SHFL: variants seen among roughly 807,000 people sequenced by gnomAD.
The protein encoded by SHFL is shiftless antiviral inhibitor of ribosomal frameshifting protein.
In SHFL, 12 loss-of-function variants were observed where a neutral mutation model predicts 34.7. That is an observed-to-expected ratio of 0.35 (90% CI 0.22 to 0.56). The LOEUF (loss-of-function observed/expected upper bound fraction) is 0.56. Ranked by LOEUF, SHFL falls within the 20% of genes least tolerant of loss-of-function variation. The pLI, the probability that SHFL is intolerant of heterozygous loss-of-function variation, is 0.88. For missense variants in SHFL, 278 were observed against 411.1 expected (o/e 0.68, Z 2.80); for synonymous variants, 148 against 156.0 (o/e 0.95, Z 0.38).
In SHFL at chr19:10,092,859, A is replaced by AG; in HGVS notation, c.*559dup. 1.6e-6 allele frequency: 2 copies of AG among 1,235,394 alleles called. No individual in the cohort carries two copies. The highest frequency in any genetic ancestry group is 2.2e-6 in the Non-Finnish European group (2 of 912,306). 76.5% of individuals were successfully genotyped at this position (1,235,394 alleles called of 1,614,324 possible). On this transcript the variant is annotated 3_prime_UTR_variant, in exon 8 of 8. Transcript: ENST00000253110. Reference sequence around the variant, plus strand: ...CACCTCACAGTGCAAGGCTTTTGCCAGGCATCCCCTGGCCCCTCCCATTCT... The same window carrying AG: ...CACCTCACAGTGCAAGGCTTTTGCCAGGGCATCCCCTGGCCCCTCCCATTCT...
Position 10,092,423 on chromosome 19 carries a change from C to CGG in SHFL, c.*127_*128dup. On this transcript the variant is annotated 3_prime_UTR_variant, in exon 8 of 8. Coordinates refer to ENST00000253110, the MANE Select transcript of SHFL (RefSeq NM_018381.4). The stretch of plus-strand genomic sequence containing the variant: ...GAGCCATCTGAGGCCAAGATATTGA[C>CGG]GGGGGGGATTCCTGGGTCCCATTTT... The CGG allele has an allele frequency of 1.3e-6, 2 of 1,512,342 alleles. No homozygotes were observed. The highest frequency in any genetic ancestry group is 8.9e-7 in the Non-Finnish European group (1 of 1,129,542). The allele number at this position is 1,512,342 out of a possible 1,614,324, so 93.7% of individuals were successfully genotyped here.
In SHFL at chr19:10,089,773, C is replaced by A. The variant is rs930932259; in HGVS notation, c.234+78C>A. ...AGGCACAGAAGGATGTCCATTAGGG[C>A]AGGAGGGGAGATATTCACTGGGGCA... On this transcript the variant is annotated intron_variant, in intron 4 of 7. Transcript: ENST00000253110. 4 of 1,556,306 alleles carry A rather than the reference C, an allele frequency of 2.6e-6. No homozygotes were observed. In the Admixed American group the frequency reaches 7.7e-5, roughly 30 times the overall value.
intron 3 of SHFL, 155 bp downstream of exon 3, chr19:10,087,455 C>A: frequency 1.3e-6 from 1 of 751,678 alleles, no homozygotes; most frequent in Non-Finnish European, 2.2e-6. Context: ...TTTTTCACCT[C>A]TCCATCATTT....
rs1005680292 is a variant in SHFL at position 10,091,145 on chromosome 19, A to C, written c.385-105A>C. The C allele has an allele frequency of 3.6e-5, 34 of 934,280 alleles. No homozygotes were observed. The Middle Eastern group carries it at 1.2e-3, about 33-fold the overall frequency. 57.9% of individuals were successfully genotyped at this position (934,280 alleles called of 1,614,324 possible). A position where few individuals can be genotyped will look rare whatever the true frequency, so the allele number is the denominator to read the frequency against. On this transcript the variant is annotated intron_variant, in intron 5 of 7. Transcript: ENST00000253110. The surrounding 1 kb of genome is among the most constrained non-coding windows in gnomAD (Gnocchi z 8.2). ...GTCACTGATTGAGTTGGGTTGCTCA[A>C]GCTGAGGCCAGCCGCTGCAGCACAC... is the stretch of plus-strand genomic sequence containing the variant.
Position 10,091,895 on chromosome 19 carries a change from A to G in SHFL, c.644-175A>G. On this transcript the variant is annotated intron_variant, in intron 7 of 7. Coordinates refer to ENST00000253110, the MANE Select transcript of SHFL (RefSeq NM_018381.4). The surrounding 1 kb of genome is among the most constrained non-coding windows in gnomAD (Gnocchi z 8.2). ...GTTTTGTCCCCTGTAATCTCAGGTG[A>G]CCCCCATGTCCCCAGGTCTCCTGTA... The G allele has an allele frequency of 1.0e-5, 9 of 870,912 alleles. No homozygotes were observed. Among genetic ancestry groups the G allele is most frequent in the Non-Finnish European group, 1.6e-5 (9 of 579,946 alleles). The allele number at this position is 870,912 out of a possible 1,614,324, so 53.9% of individuals were successfully genotyped here. A position where few individuals can be genotyped will look rare whatever the true frequency, so the allele number is the denominator to read the frequency against.
rs1216666906 is a variant in SHFL at position 10,087,008 on chromosome 19, A to C, written c.101A>C (p.Lys34Thr). 2 of 1,613,368 alleles carry C rather than the reference A, an allele frequency of 1.2e-6. No homozygotes were observed. The highest frequency in any genetic ancestry group is 1.7e-6 in the Non-Finnish European group (2 of 1,179,630). Residue 34 changes from lysine (K) to threonine (T), a missense_variant, in exon 2 of 8, where the codon AAA becomes ACA. Coordinates refer to ENST00000253110, the MANE Select transcript of SHFL (RefSeq NM_018381.4). ...SSKKAGALMRKFGSDHTGVGR... is the reference protein window; with the variant it reads ...SSKKAGALMRTFGSDHTGVGR... ...AAGAAGGCGGGGGCTCTGATGAGGA[A>C]ATTCGGCAGCGACCACACGGGAGTG...
At chr19:10,087,219 G>C (rs984489052) in intron 2 of SHFL, 32 bp from the exon 3 acceptor site, 1 of 1,613,626 alleles carries the variant, frequency 6.2e-7, no homozygotes, top group African/African-American at 1.3e-5. Flanking sequence ...ACCCTTCAAG[G>C]GCCCTTCCCT....
chr19:10,092,584 CAG>C lies in SHFL; in HGVS notation c.*285_*286del. 2 of 1,598,742 alleles carry C rather than the reference CAG, an allele frequency of 1.3e-6. No individual in the cohort carries two copies. The highest frequency in any genetic ancestry group is 1.1e-5 in the South Asian group (1 of 89,430). On this transcript the variant is annotated 3_prime_UTR_variant, in exon 8 of 8. Coordinates refer to ENST00000253110, the MANE Select transcript of SHFL (RefSeq NM_018381.4). ...CTAGGGCCTAGGGGACAGAGGAACA[CAG>C]AGTCACAGCTTCAGGGGCCGAATGA...
rs570839431 is a variant in SHFL, at chr19:10,092,264, G to A, written c.838G>A (p.Glu280Lys). The change falls in exon 8 of 8, where the codon GAG (glutamate) becomes AAG (lysine). Residue 280 changes from glutamate (E) to lysine (K), a missense_variant. Physicochemically the swap from Glu to Lys is moderately conservative, Grantham distance 56. This residue lies in a region of SHFL where 35 missense variants were observed against 24.9 expected (regional missense o/e 1.41). Coordinates refer to ENST00000253110, the MANE Select transcript of SHFL (RefSeq NM_018381.4). ...CCTGAAGGAGGAGGAGGAGGAAGAG[G>A]AGGAGGTGGAGGACGAGGAGGGCGG... is the stretch of plus-strand genomic sequence containing the variant. ...EDLKEEEEEEEEVEDEEGGPR... is the reference protein window; with the variant it reads ...EDLKEEEEEEKEVEDEEGGPR... The A allele has an allele frequency of 6.2e-6, 10 of 1,601,586 alleles. No individual in the cohort carries two copies. The highest frequency in any genetic ancestry group is 1.1e-5 in the South Asian group (1 of 89,820).
rs751387207 is a variant in SHFL, at chr19:10,092,576, G to A, written c.*274G>A. 72 of 1,594,782 alleles carry A rather than the reference G, an allele frequency of 4.5e-5. No individual in the cohort carries two copies. In the Admixed American group the frequency reaches 1.1e-3, roughly 25 times the overall value. On this transcript the variant is annotated 3_prime_UTR_variant, in exon 8 of 8. Coordinates refer to ENST00000253110, the MANE Select transcript of SHFL (RefSeq NM_018381.4). ...AATGTCCTCTAGGGCCTAGGGGACA[G>A]AGGAACACAGAGTCACAGCTTCAGG...
In SHFL at chr19:10,090,014, C is replaced by A. The variant is rs1347744746; in HGVS notation, c.351C>A (p.His117Gln). ...AGTTTGCCTGCTCCTCCTGCGACCA[C>A]GTCTGGTGGCGCCGCGTGCCCCAGC... Reference protein sequence around the residue: ...DRQFACSSCDHVWWRRVPQRK... With the variant: ...DRQFACSSCDQVWWRRVPQRK... Residue 117 changes from histidine to glutamine, a missense_variant, in exon 5 of 8, where the codon CAC becomes CAA. This residue lies in a region of SHFL where 243 missense variants were observed against 386.2 expected (regional missense o/e 0.63). Coordinates refer to ENST00000253110, the MANE Select transcript of SHFL (RefSeq NM_018381.4). 2 of 1,606,460 alleles carry A rather than the reference C, an allele frequency of 1.2e-6. No individual in the cohort carries two copies. The highest frequency in any genetic ancestry group is 1.3e-5 in the African/African-American group (1 of 74,760).
At chr19:10,087,765 A>G (rs1979262) in intron 3 of SHFL, 169,048 of 174,380 alleles carry the variant, frequency 0.97, 81,983 homozygotes, top group Non-Finnish European at 0.98. Context: ...TAGAAAGGCT[A>G]GGATGAGCAG....
rs1475758980 is a variant in SHFL, at chr19:10,093,058, A to G, written c.*756A>G. 1.0e-5 allele frequency: 5 copies of G among 488,932 alleles called. No individual in the cohort carries two copies. The highest frequency in any genetic ancestry group is 1.8e-5 in the Non-Finnish European group (5 of 279,946). The allele number at this position is 488,932 out of a possible 1,614,324, so 30.3% of individuals were successfully genotyped here. A position where few individuals can be genotyped will look rare whatever the true frequency, so the allele number is the denominator to read the frequency against. On this transcript the variant is annotated 3_prime_UTR_variant, in exon 8 of 8. Transcript: ENST00000253110. ...GGAGTCTACCGTTCATTCCTTTATC[A>G]AAGAAAAGTATCTACTTCCTTTCTA...
chr19:10,087,436 C>A, intron 3 of SHFL, 136 bp downstream of exon 3: 2 of 888,756 alleles, frequency 2.3e-6, no homozygotes, highest in Non-Finnish European at 3.5e-6. Context: ...ACTCATCACC[C>A]AATCTCACTT....
chr19:10,087,471 G>A (rs772526800), intron 3 of SHFL, 171 bp downstream of exon 3: 23 of 674,520 alleles, frequency 3.4e-5, no homozygotes, highest in Middle Eastern at 2.5e-4. Flanking sequence ...CATTTGTCCG[G>A]CCAGGGAGCC....
At chr19:10,089,172 G>A in intron 3 of SHFL, 2 of 796,194 alleles carry the variant, frequency 2.5e-6, no homozygotes, top group Non-Finnish European at 4.1e-6. Flanking sequence ...TTTGAACCCT[G>A]GCCACCTGGA....
Position 10,091,693 on chromosome 19 carries a change from CA to C in SHFL, c.643+66del. 6.8e-7 allele frequency: 1 copy of C among 1,478,406 alleles called. No homozygotes were observed. Among genetic ancestry groups the C allele is most frequent in the Non-Finnish European group, 9.0e-7 (1 of 1,106,568 alleles). The allele number at this position is 1,478,406 out of a possible 1,614,324, so 91.6% of individuals were successfully genotyped here. On this transcript the variant is annotated intron_variant, in intron 7 of 7. Transcript: ENST00000253110. The surrounding 1 kb of genome is among the most constrained non-coding windows in gnomAD (Gnocchi z 8.2). ...GTCCCCTTCTGTGCCTTTAAGTCCC[CA>C]AATCTCCACTCAGTCCACTTTGTCT...
chr19:10,089,863 C>A, intron 4 of SHFL, 35 bp from the exon 5 acceptor site: 2 of 1,603,112 alleles, frequency 1.2e-6, no homozygotes, highest in South Asian at 1.1e-5. Context: ...GGGGTGACAC[C>A]CCCCCACCTC....
chr19:10,089,539 T>C, intron 3 of SHFL, 118 bp from the exon 4 acceptor site: 1 of 1,418,700 alleles, frequency 7.0e-7, no homozygotes, highest in Non-Finnish European at 9.7e-7. Flanking sequence ...TGGTGCTCTG[T>C]GAGCTTCTGG....
Sources: allele counts gnomAD v4.1 joint callset, GRCh38; gene constraint gnomAD v4.1.1; regional missense constraint gnomAD v4.1.1; non-coding constraint Gnocchi (gnomAD v3.1); transcripts MANE v1.5; gene names NCBI Gene and HGNC (gene_info 2026-07-23, HGNC 2026-07-21).